Variants in LPA observed in about 807,000 individuals in gnomAD.
LPA encodes the protein lipoprotein(a), also known as apolipoprotein(a).
In LPA, 199 loss-of-function variants were observed where a neutral mutation model predicts 197.9. That is an observed-to-expected ratio of 1.01 (90% CI 0.90 to 1.13). The LOEUF is 1.13. Ranked by LOEUF, LPA falls within the 50% of genes most tolerant of loss-of-function variation. LPA has a pLI of 0.00. For synonymous variants in LPA, 715 were observed against 639.5 expected, an observed-to-expected ratio of 1.12 and a Z score of -1.78; for missense variants, 1,853 against 1,785.8, an observed-to-expected ratio of 1.04 and a Z score of -0.68.
chr6:160,634,874 G>C (rs1330617183), intron 7 of LPA, among the ~76,000 whole-genome samples: 10 of 150,174 alleles, frequency 6.7e-5, no homozygotes, highest in Admixed American at 2.6e-4. Flanking sequence ...ATTTTAGAAG[G>C]AGGTGAGTTG....
At chr6:160,648,653 ATT>A in intron 2 of LPA, among the ~76,000 whole-genome samples, 1 of 151,806 alleles carries the variant, frequency 6.6e-6, no homozygotes, top group Non-Finnish European at 1.5e-5. Flanking sequence ...GTTCTATGCA[ATT>A]ATTTTTCATT....
At position 160,589,819 on chromosome 6, in the gene LPA, A is replaced by G. The variant is rs1361132936; in HGVS notation, c.3788-107T>C. 7.6e-6 allele frequency: 10 copies of G among 1,324,374 alleles called. No individual in the cohort carries two copies. The South Asian group carries it at 1.1e-4, about 14-fold the overall frequency. 82.0% of individuals were successfully genotyped at this position (1,324,374 alleles called of 1,614,324 possible). A position where few individuals can be genotyped will look rare whatever the true frequency, so the allele number is the denominator to read the frequency against. On this transcript the variant is annotated intron_variant, in intron 23 of 38. Coordinates refer to ENST00000316300, the MANE Select transcript of LPA (RefSeq NM_005577.4). ...GACATCATCTCTGAAAATGACGACC[A>G]TGCTCTGTTCTACATTAGTAGGCAG...
intron 28 of LPA, among the ~76,000 whole-genome samples, chr6:160,566,011 C>T (rs1432309770): frequency 2.6e-5 from 4 of 152,106 alleles, no homozygotes; most frequent in Non-Finnish European, 5.9e-5. Flanking sequence ...AACAAAGCCT[C>T]CAATAAATAT....
intron 1 of LPA, among the ~76,000 whole-genome samples, chr6:160,662,160 CA>C (rs1398070646): frequency 6.6e-6 from 1 of 152,082 alleles, no homozygotes; most frequent in African/African-American, 2.4e-5. Context: ...GCTCATATGG[CA>C]ATGGGGATTT....
intron 1 of LPA, among the ~76,000 whole-genome samples, chr6:160,656,049 C>T (rs1056980317): frequency 1.3e-5 from 2 of 152,304 alleles, no homozygotes; most frequent in East Asian, 1.9e-4. Context: ...TTTGCTCAAG[C>T]AACAAAACCA....
intron 37 of LPA, 108 bp downstream of exon 37, chr6:160,537,747 C>T: frequency 9.5e-7 from 1 of 1,048,102 alleles, no homozygotes; most frequent in African/African-American, 1.6e-5. Context: ...AGTGGGTAGA[C>T]CACATTCATG....
intron 33 of LPA, among the ~76,000 whole-genome samples, chr6:160,543,992 A>C (rs2115000541): frequency 6.6e-6 from 1 of 152,318 alleles, no homozygotes; most frequent in South Asian, 2.1e-4. Flanking sequence ...TAAGGTGGGG[A>C]ACCTCACAGT....
At chr6:160,584,246 C>T (rs1365974633) in intron 26 of LPA, among the ~76,000 whole-genome samples, 43 of 126,376 alleles carry the variant, frequency 3.4e-4, no homozygotes, top group African/African-American at 7.3e-4. Flanking sequence ...CTTCCTCCTC[C>T]TCCTCCTCCT....
intron 26 of LPA, among the ~76,000 whole-genome samples, chr6:160,583,028 A>C (rs1413465167): frequency 6.6e-6 from 1 of 151,794 alleles, no homozygotes; most frequent in Non-Finnish European, 1.5e-5. Flanking sequence ...TTGACTCTCC[A>C]TTTGGTCCTT....
Position 160,606,561 on chromosome 6 carries a change from T to C in LPA, c.2701A>G (p.Thr901Ala). ...GTCCCTTCTGCGTCTGAGCATTGTG[T>C]CAGGTTGCAGTACTCCCACCTGACA... ...PSVRWEYCNL[T>A]QCSDAEGTAV... Residue 901 changes from threonine (T) to alanine (A), a missense_variant, in exon 17 of 39, where the codon ACA becomes GCA. Thr to Ala is a moderately conservative substitution (Grantham distance 58). This residue lies in a region of LPA where 1,737 missense variants were observed against 1,504.4 expected (regional missense o/e 1.15). Coordinates refer to ENST00000316300, the MANE Select transcript of LPA (RefSeq NM_005577.4). 6.2e-7 allele frequency: 1 copy of C among 1,613,794 alleles called. No homozygotes were observed. Among genetic ancestry groups the C allele is most frequent in the South Asian group, 1.1e-5 (1 of 91,054 alleles).
At chr6:160,648,259 G>C (rs989136225) in intron 2 of LPA, among the ~76,000 whole-genome samples, 1 of 151,996 alleles carries the variant, frequency 6.6e-6, no homozygotes, top group African/African-American at 2.4e-5. Context: ...CGTTCCTTAC[G>C]AGATTTTTCT....
At chr6:160,653,356 A>G (rs1406327805) in intron 1 of LPA, among the ~76,000 whole-genome samples, 2 of 152,150 alleles carry the variant, frequency 1.3e-5, no homozygotes, top group African/African-American at 4.8e-5. Flanking sequence ...TCAGTAGTCA[A>G]TAAAAAAAGA....
Position 160,650,403 on chromosome 6 carries a change from G to A in LPA, c.144C>T (p.Thr48=). The change falls in exon 2 of 39, where the codon ACC becomes ACT. Residue 48 remains threonine, a synonymous_variant. Transcript: ENST00000316300. ...GTYSTTVTGR[T]CQAWSSMTPH... ...GTGTCATAGATGACCAAGCTTGGCA[G>A]GTCCTTCCTGTGACAGTGGTGGAGT... The A allele has an allele frequency of 1.2e-6, 2 of 1,613,946 alleles. No homozygotes were observed. Among genetic ancestry groups the A allele is most frequent in the East Asian group, 4.5e-5 (2 of 44,866 alleles).
intron 24 of LPA, 132 bp downstream of exon 24, chr6:160,589,421 G>A (rs1778980467): frequency 9.3e-7 from 1 of 1,076,520 alleles, no homozygotes; most frequent in Admixed American, 1.9e-5. Context: ...AAAGCAAGAA[G>A]CCTGAGACAT....
intron 23 of LPA, 29 bp downstream of exon 23, chr6:160,590,915 G>A: frequency 6.2e-7 from 1 of 1,613,724 alleles, no homozygotes. Flanking sequence ...ACGTCCAAGG[G>A]TGTGGTTGTC....
Position 160,532,424 on chromosome 6 carries a change from C to T in LPA, c.5961+107G>A, listed in dbSNP as rs112870860. ...TTCTGAGCAACACTTAGACTGGGGT[C>T]TTCCACTGACAAAACCTTCCTGAAT... is the stretch of plus-strand genomic sequence containing the variant. On this transcript the variant is annotated intron_variant, in intron 38 of 38. Coordinates refer to ENST00000316300, the MANE Select transcript of LPA (RefSeq NM_005577.4). 7.1e-5 allele frequency: 60 copies of T among 844,142 alleles called. No homozygotes were observed. In the African/African-American group the frequency reaches 8.3e-4, roughly 12 times the overall value. 52.3% of individuals were successfully genotyped at this position (844,142 alleles called of 1,614,324 possible).
chr6:160,582,527 G>T (rs1426509025), intron 26 of LPA, among the ~76,000 whole-genome samples: 1 of 151,796 alleles, frequency 6.6e-6, no homozygotes, highest in South Asian at 2.1e-4. Flanking sequence ...GATTTGTGTT[G>T]TTTCTGATGA....
chr6:160,548,706 C>G (rs10755578), intron 30 of LPA, 47 bp from the exon 31 acceptor site: 741,699 of 1,596,604 alleles, frequency 0.46, 174,330 homozygotes, highest in Non-Finnish European at 0.48. Context: ...GAAGAATATT[C>G]AGGGACATCC....
intron 20 of LPA, among the ~76,000 whole-genome samples, chr6:160,596,542 T>G (rs1236769718): frequency 6.6e-6 from 1 of 152,184 alleles, no homozygotes; most frequent in Non-Finnish European, 1.5e-5. Context: ...CTGAGAATTT[T>G]TTTAACACAC....
Sources: allele counts gnomAD v4.1 joint callset (sites outside exome capture counted in the v4.1 genomes callset), GRCh38; gene constraint gnomAD v4.1.1; regional missense constraint gnomAD v4.1.1; transcripts MANE v1.5; gene names NCBI Gene and HGNC (gene_info 2026-07-23, HGNC 2026-07-21).